Variants in CCDC149 observed in about 807,000 individuals in gnomAD.
CCDC149 encodes the protein coiled-coil domain containing 149.
A neutral mutation model predicts 59.9 loss-of-function variants in CCDC149; 45 were observed. The ratio of observed to expected loss-of-function variants is 0.75; its 90% CI spans 0.59 to 0.96. CCDC149 has a LOEUF of 0.96. CCDC149 is among the 40% of genes least tolerant of loss of function. The pLI, the probability that CCDC149 is intolerant of heterozygous loss-of-function variation, is 0.00. For synonymous variants in CCDC149, 245 were observed against 260.6 expected, an observed-to-expected ratio of 0.94 and a Z score of 0.58; for missense variants, 584 against 664.7, an observed-to-expected ratio of 0.88 and a Z score of 1.33.
chr4:24,896,162 C>A (rs189258578), intron 1 of CCDC149, among the ~76,000 whole-genome samples: 101 of 152,316 alleles, frequency 6.6e-4, no homozygotes, highest in Non-Finnish European at 1.1e-3. Context: ...GGATGCTGAA[C>A]TTCTGAGCAT....
At chr4:24,865,672 T>C (rs1238048795) in intron 3 of CCDC149, among the ~76,000 whole-genome samples, 1 of 152,226 alleles carries the variant, frequency 6.6e-6, no homozygotes, top group African/African-American at 2.4e-5. Flanking sequence ...TGCTTTTGAA[T>C]AGGCTTGGGA....
At chr4:24,932,615 C>T (rs370003612) in intron 1 of CCDC149, among the ~76,000 whole-genome samples, 6 of 152,176 alleles carry the variant, frequency 3.9e-5, no homozygotes, top group South Asian at 2.1e-4. Context: ...TCCCCAGAGA[C>T]GACTTTCCTT....
intron 12 of CCDC149, among the ~76,000 whole-genome samples, chr4:24,815,906 C>T (rs192149726): frequency 2.6e-5 from 4 of 152,024 alleles, no homozygotes; most frequent in African/African-American, 7.2e-5. Flanking sequence ...AACACAGCCA[C>T]GATAAGAGGA....
chr4:24,819,745 A>T, intron 12 of CCDC149, 114 bp downstream of exon 12: 1 of 794,516 alleles, frequency 1.3e-6, no homozygotes, highest in Non-Finnish European at 2.2e-6. Flanking sequence ...GGAATGTCCC[A>T]ATGATGCCAA....
intron 1 of CCDC149, among the ~76,000 whole-genome samples, chr4:24,941,256 T>C (rs1722945490): frequency 6.6e-6 from 1 of 152,090 alleles, no homozygotes; most frequent in Admixed American, 6.5e-5. Context: ...TCAAAACTGC[T>C]CAACTACATG....
In CCDC149 at chr4:24,894,730, C is replaced by T. The variant is rs533128862; in HGVS notation, c.64-18033G>A. Among the ~76,000 whole-genome samples, 7 of 151,422 alleles carry T rather than the reference C, an allele frequency of 4.6e-5. No individual in the cohort carries two copies. In the East Asian group the frequency reaches 7.9e-4, roughly 17 times the overall value. On this transcript the variant is annotated intron_variant, in intron 1 of 12. Coordinates refer to ENST00000635206, the MANE Select transcript of CCDC149 (RefSeq NM_001330643.2). ...ACAACGTGTGTTAGGATGTGAGATG[C>T]CCTTTCGAACATACACAGCAATGGT...
intron 1 of CCDC149, among the ~76,000 whole-genome samples, chr4:24,887,481 T>G (rs1357084366): frequency 1.3e-5 from 2 of 152,184 alleles, no homozygotes; most frequent in African/African-American, 2.4e-5. Flanking sequence ...ACTTCTCAGC[T>G]GCAGACTCAT....
chr4:24,854,623 A>G (rs995468623), intron 3 of CCDC149, among the ~76,000 whole-genome samples: 2 of 152,208 alleles, frequency 1.3e-5, no homozygotes, highest in African/African-American at 4.8e-5. Flanking sequence ...AAAGACTTCA[A>G]TGCTAATACT....
chr4:24,890,449 C>A (rs1050479591), intron 1 of CCDC149, among the ~76,000 whole-genome samples: 8 of 152,268 alleles, frequency 5.3e-5, no homozygotes, highest in Non-Finnish European at 7.3e-5. Context: ...ACCCCATTCA[C>A]CCAAAGGAGA....
intron 1 of CCDC149, among the ~76,000 whole-genome samples, chr4:24,961,500 A>C (rs554236489): frequency 6.6e-6 from 1 of 152,334 alleles, no homozygotes; most frequent in South Asian, 2.1e-4. Flanking sequence ...CCACATTGCC[A>C]AGTCAATCCT....
rs573835451 is a variant in CCDC149, at chr4:24,945,514, A to G, written c.-65+34555T>C. The stretch of plus-strand genomic sequence containing the variant: ...CCCCGTCAGAGCCTTCAAAGGGAGC[A>G]TGGCCCTCCTGACACCTTGATTTCA... On this transcript the variant is annotated intron_variant, in intron 1 of 12. Coordinates refer to the CCDC149 transcript ENST00000389609. 1.2e-4 allele frequency among the ~76,000 whole-genome samples: 18 copies of G among 152,276 alleles called. No homozygotes were observed. In the South Asian group the frequency reaches 3.3e-3, roughly 28 times the overall value.
chr4:24,972,431 C>T (rs957458914), intron 1 of CCDC149, among the ~76,000 whole-genome samples: 1 of 152,082 alleles, frequency 6.6e-6, no homozygotes, highest in Non-Finnish European at 1.5e-5. Flanking sequence ...CCTCAGCCTC[C>T]CAAGTAGCTG....
chr4:24,895,709 G>A (rs1720809743), intron 1 of CCDC149, among the ~76,000 whole-genome samples: 1 of 152,118 alleles, frequency 6.6e-6, no homozygotes, highest in Non-Finnish European at 1.5e-5. Flanking sequence ...GTGAGTCTGA[G>A]GTGTTACTAG....
In CCDC149 at chr4:24,868,546, G is replaced by C. The variant is rs556912488; in HGVS notation, c.264+5135C>G. On this transcript the variant is annotated intron_variant, in intron 3 of 12. Coordinates refer to ENST00000635206, the MANE Select transcript of CCDC149 (RefSeq NM_001330643.2). ...CCTATATATTTTAATTACTTTGTAT[G>C]TTGTCTGTTCGTAGCATCTCTAGTA... Among the ~76,000 whole-genome samples, 9 of 152,204 alleles carry C rather than the reference G, an allele frequency of 5.9e-5. No homozygotes were observed. The South Asian group carries it at 1.0e-3, about 18-fold the overall frequency.
At chr4:24,939,238 A>G (rs943261725) in intron 1 of CCDC149, among the ~76,000 whole-genome samples, 1 of 152,200 alleles carries the variant, frequency 6.6e-6, no homozygotes, top group African/African-American at 2.4e-5. Context: ...CGGTTCACCA[A>G]TATCTGCTGT....
At chr4:24,833,244 G>T (rs76032249) in intron 8 of CCDC149, among the ~76,000 whole-genome samples, 2,524 of 149,876 alleles carry the variant, frequency 0.017, 71 homozygotes, top group African/African-American at 0.059. Context: ...AAAAAAACCC[G>T]GCTTTTTTCA....
intron 1 of CCDC149, among the ~76,000 whole-genome samples, chr4:24,951,552 T>C (rs1723293358): frequency 1.3e-5 from 2 of 152,180 alleles, no homozygotes; most frequent in African/African-American, 4.8e-5. Context: ...CTTTTCATGG[T>C]AACTTACTCT....
Position 24,876,723 on chromosome 4 carries a change from T to C in CCDC149, c.64-26A>G, listed in dbSNP as rs374441954. 49 of 1,585,498 alleles carry C rather than the reference T, an allele frequency of 3.1e-5. 1 individual carries two copies. The African/African-American group carries it at 6.3e-4, about 20-fold the overall frequency. ...CTGCAAAGCAAACAAATCCAGGCAATGGGTCAAAAACATCCATGGGCCTCC... is the reference window on the plus strand; with the variant it reads ...CTGCAAAGCAAACAAATCCAGGCAACGGGTCAAAAACATCCATGGGCCTCC... On this transcript the variant is annotated intron_variant, in intron 1 of 12. Transcript: ENST00000635206.
In CCDC149 at chr4:24,808,607, C is replaced by G; in HGVS notation, c.1405G>C (p.Ala469Pro). Residue 469 changes from alanine (A) to proline (P), a missense_variant, in exon 13 of 13, where the codon GCA (alanine) becomes CCA (proline). By Grantham distance (27) the Ala-to-Pro change is conservative. Transcript: ENST00000635206. ...CTGACCTCTTCCAGTTCTGCAGCTG[C>G]CTGTTCCTTTGTCAGTTTAATTATT... 1 of 1,552,256 alleles carries G rather than the reference C, an allele frequency of 6.4e-7. No homozygotes were observed. Among genetic ancestry groups the G allele is most frequent in the African/African-American group, 1.4e-5 (1 of 73,170 alleles).
Sources: gnomAD v4.1 joint callset for allele counts (sites outside exome capture counted in the v4.1 genomes callset) on GRCh38, gnomAD v4.1.1 for gene constraint, MANE v1.5 for transcripts, NCBI Gene and HGNC (gene_info 2026-07-23, HGNC 2026-07-21) for gene names.